Variants in LONRF3 observed in about 807,000 individuals in gnomAD.
LONRF3 encodes LON peptidase N-terminal domain and RING finger protein 3.
In LONRF3, 19 loss-of-function variants were observed where a neutral mutation model predicts 51.7. The ratio of observed to expected loss-of-function variants is 0.37; its 90% CI spans 0.26 to 0.54. The LOEUF is 0.54. Ranked by LOEUF, LONRF3 falls within the 20% of genes least tolerant of loss-of-function variation. The pLI, the probability that LONRF3 is intolerant of heterozygous loss-of-function variation, is 0.86. For synonymous variants in LONRF3, 265 were observed against 257.8 expected (o/e 1.03, Z -0.27); for missense variants, 521 against 623.9 (o/e 0.84, Z 1.76).
chrX:118,974,738 C>G lies in LONRF3; in HGVS notation c.-43C>G. On this transcript the variant is annotated 5_prime_UTR_variant, in exon 1 of 11. Coordinates refer to ENST00000371628, the MANE Select transcript of LONRF3 (RefSeq NM_001031855.3). The stretch of plus-strand genomic sequence containing the variant: ...CAGCTGCCACTCCTTGCTTCGTGTC[C>G]CCGGTCCCTAGACGCCTCGTCTCCT... The G allele has an allele frequency of 9.2e-7, 1 of 1,081,467 alleles. No individual in the cohort carries two copies. Among genetic ancestry groups the G allele is most frequent in the African/African-American group, 1.8e-5 (1 of 54,183 alleles). The allele number at this position is 1,081,467 out of a possible 1,213,427, so 89.1% of individuals were successfully genotyped here.
intron 7 of LONRF3, among the ~76,000 whole-genome samples, chrX:119,011,410 T>C (rs746565841): frequency 2.9e-4 from 32 of 111,506 alleles, no homozygotes; most frequent in Non-Finnish European, 4.9e-4. Flanking sequence ...TCCACTTCTA[T>C]CATCAGCAAC....
rs1232695480 is a variant in LONRF3 at position 118,978,277 on chromosome X, C to T, written c.818-68C>T. 4 of 653,657 alleles carry T rather than the reference C, an allele frequency of 6.1e-6. No homozygotes were observed. The African/African-American group carries it at 8.7e-5, about 14-fold the overall frequency. 53.9% of individuals were successfully genotyped at this position (653,657 alleles called of 1,213,427 possible). A position where few individuals can be genotyped will look rare whatever the true frequency, so the allele number is the denominator to read the frequency against. On this transcript the variant is annotated intron_variant, in intron 1 of 10. Coordinates refer to ENST00000371628, the MANE Select transcript of LONRF3 (RefSeq NM_001031855.3). ...TTATCATTTGCTCAAGATCCATACT[C>T]ATACAGGACTTAACACCTGCTTGCG... is the stretch of plus-strand genomic sequence containing the variant.
intron 5 of LONRF3, among the ~76,000 whole-genome samples, chrX:118,991,165 T>C (rs1443074375): frequency 2.7e-5 from 3 of 111,942 alleles, no homozygotes; most frequent in African/African-American, 9.7e-5. Context: ...ATATGTCTTT[T>C]GTTTGGCCCT....
At chrX:118,983,720 C>T (rs1322930558) in intron 3 of LONRF3, among the ~76,000 whole-genome samples, 1 of 112,100 alleles carries the variant, frequency 8.9e-6, no homozygotes, top group African/African-American at 3.2e-5. Context: ...CTCCTTGTGC[C>T]CCACCCACTA....
At position 119,015,477 on chromosome X, in the gene LONRF3, C is replaced by G. The variant is rs1304734041; in HGVS notation, c.2124+1121C>G. On this transcript the variant is annotated intron_variant, in intron 10 of 10. Coordinates refer to ENST00000371628, the MANE Select transcript of LONRF3 (RefSeq NM_001031855.3). ...GACCACAAAGGTGGCTTCTTTCCCC[C>G]CCCATGCAAAGGCATCATGAGTTTT... Among the ~76,000 whole-genome samples the G allele has an allele frequency of 1.1e-4, 12 of 111,827 alleles. No individual in the cohort carries two copies. In the South Asian group the frequency reaches 1.1e-3, roughly 10 times the overall value.
In LONRF3 at chrX:118,999,134, G is replaced by A. The variant is rs1924090095; in HGVS notation, c.1416-6987G>A. Among the ~76,000 whole-genome samples, 3 of 111,691 alleles carry A rather than the reference G, an allele frequency of 2.7e-5. No homozygotes were observed. The South Asian group carries it at 1.1e-3, about 42-fold the overall frequency. On this transcript the variant is annotated intron_variant, in intron 5 of 10. Transcript: ENST00000371628. Reference sequence around the variant, plus strand: ...GTAACACAGCCGTTACCTGAAATGTGGACCTTCTTTCTCTTAAAAAAAATT... The same window carrying A: ...GTAACACAGCCGTTACCTGAAATGTAGACCTTCTTTCTCTTAAAAAAAATT...
chrX:118,979,749 T>C (rs1922409449), intron 2 of LONRF3, among the ~76,000 whole-genome samples: 1 of 111,623 alleles, frequency 9.0e-6, no homozygotes, highest in Admixed American at 9.5e-5. Flanking sequence ...ACTCACACAA[T>C]GGTTGTGCCA....
In LONRF3 at chrX:118,991,560, C is replaced by T. The variant is rs112948719; in HGVS notation, c.1415+1000C>T. On this transcript the variant is annotated intron_variant, in intron 5 of 10. Coordinates refer to ENST00000371628, the MANE Select transcript of LONRF3 (RefSeq NM_001031855.3). The stretch of plus-strand genomic sequence containing the variant: ...GGAGAGGCAAATTATTCACATGCTC[C>T]CCCACCCCAAAAGAAAGAGGCTATG... Among the ~76,000 whole-genome samples, 791 of 111,978 alleles carry T rather than the reference C, an allele frequency of 7.1e-3. 6 individuals carry two copies. The highest frequency in any genetic ancestry group is 0.012 in the Non-Finnish European group (654 of 53,200).
intron 10 of LONRF3, 68 bp from the exon 11 acceptor site, chrX:119,017,467 T>C: frequency 9.2e-7 from 1 of 1,081,503 alleles, no homozygotes; most frequent in African/African-American, 1.8e-5. Flanking sequence ...ACCTTGAGCA[T>C]TTGGAACTCT....
Position 119,009,208 on chromosome X carries a change from G to A in LONRF3, c.1613G>A (p.Arg538Gln), listed in dbSNP as rs1339427483. 8.3e-7 allele frequency: 1 copy of A among 1,208,044 alleles called. No homozygotes were observed. Among genetic ancestry groups the A allele is most frequent in the Non-Finnish European group, 1.1e-6 (1 of 894,033 alleles). ...AKFLPEELKE[R>Q]RKLYEEEMEE... Reference sequence around the variant, plus strand: ...TTCCTTCCAGAAGAACTGAAGGAACGAAGGAAGCTTTATGAAGAGGAAATG... The same window carrying A: ...TTCCTTCCAGAAGAACTGAAGGAACAAAGGAAGCTTTATGAAGAGGAAATG... Residue 538 changes from arginine (R) to glutamine (Q), a missense_variant, in exon 7 of 11, where the codon CGA becomes CAA. Arg to Gln is a conservative substitution (Grantham distance 43). This residue lies in a region of LONRF3 where 145 missense variants were observed against 247.2 expected (regional missense o/e 0.59). Coordinates refer to ENST00000371628, the MANE Select transcript of LONRF3 (RefSeq NM_001031855.3).
chrX:118,979,225 G>A (rs1255760508), intron 2 of LONRF3, among the ~76,000 whole-genome samples: 7 of 109,093 alleles, frequency 6.4e-5, no homozygotes, highest in African/African-American at 2.0e-4. Context: ...GGATGGTCTC[G>A]ATCTCCTGAC....
intron 6 of LONRF3, among the ~76,000 whole-genome samples, 163 bp downstream of exon 6, chrX:119,006,398 C>CTTTTTTTTTTTTT (rs1042593971): frequency 1.2e-5 from 1 of 86,743 alleles, no homozygotes; most frequent in Non-Finnish European, 2.2e-5. Flanking sequence ...CTCCTGTCTT[C>CTTTTTTTTTTTTT]TTTTTTTTTT....
chrX:119,014,926 A>G (rs1485817284), intron 10 of LONRF3, among the ~76,000 whole-genome samples: 4 of 111,890 alleles, frequency 3.6e-5, no homozygotes, highest in Non-Finnish European at 7.5e-5. Context: ...CCAGGGCTGA[A>G]CAGCTCTGTT....
At chrX:119,008,402 C>G (rs1924878503) in intron 6 of LONRF3, among the ~76,000 whole-genome samples, 1 of 111,509 alleles carries the variant, frequency 9.0e-6, no homozygotes, top group Non-Finnish European at 1.9e-5. Context: ...GTTAAATACC[C>G]ACTACCTAAA....
chrX:118,995,187 C>T (rs1368395998), intron 5 of LONRF3, among the ~76,000 whole-genome samples: 1 of 112,205 alleles, frequency 8.9e-6, no homozygotes, highest in African/African-American at 3.2e-5. Context: ...GTAAAAGGAA[C>T]CTTCAAAACC....
chrX:118,992,736 C>T (rs1923519381), intron 5 of LONRF3, among the ~76,000 whole-genome samples: 1 of 111,570 alleles, frequency 9.0e-6, no homozygotes, highest in Admixed American at 9.5e-5. Context: ...GAGCATTAAA[C>T]CACCAAAGCT....
In LONRF3 at chrX:119,011,901, G is replaced by A; in HGVS notation, c.1739G>A (p.Arg580His). 10 of 1,211,543 alleles carry A rather than the reference G, an allele frequency of 8.3e-6. No individual in the cohort carries two copies. Among genetic ancestry groups the A allele is most frequent in the South Asian group, 1.8e-5 (1 of 56,960 alleles). Reference sequence around the variant, plus strand: ...CTGCACATCTTTGAGCCTTGTTACCGCCTGATGATTCGTAGATGCATTGAG... The same window carrying A: ...CTGCACATCTTTGAGCCTTGTTACCACCTGATGATTCGTAGATGCATTGAG... The part of the protein sequence containing the change: ...CPLHIFEPCY[R>H]LMIRRCIETG... Residue 580 changes from arginine to histidine, a missense_variant, in exon 8 of 11, where the codon CGC (arginine) becomes CAC (histidine). Coordinates refer to ENST00000371628, the MANE Select transcript of LONRF3 (RefSeq NM_001031855.3).
intron 3 of LONRF3, among the ~76,000 whole-genome samples, chrX:118,985,328 C>T (rs970649754): frequency 2.7e-5 from 3 of 111,527 alleles, no homozygotes; most frequent in Non-Finnish European, 3.8e-5. Context: ...TGTTGAGTCA[C>T]GCATTAGGGC....
Position 119,017,816 on chromosome X carries a change from T to C in LONRF3, c.*126T>C. The C allele has an allele frequency of 1.6e-6, 1 of 621,130 alleles. No individual in the cohort carries two copies. The highest frequency in any genetic ancestry group is 4.4e-5 in the South Asian group (1 of 22,919). The allele number at this position is 621,130 out of a possible 1,213,427, so 51.2% of individuals were successfully genotyped here. A position where few individuals can be genotyped will look rare whatever the true frequency, so the allele number is the denominator to read the frequency against. ...GTGTCAAACAGAGGCATCAGCCTGC[T>C]GTTGATCACAGAGAGAAATTGAGTA... On this transcript the variant is annotated 3_prime_UTR_variant, in exon 11 of 11. Coordinates refer to ENST00000371628, the MANE Select transcript of LONRF3 (RefSeq NM_001031855.3).
Sources: gnomAD v4.1 joint callset for allele counts (sites outside exome capture counted in the v4.1 genomes callset) on GRCh38, gnomAD v4.1.1 for gene constraint, gnomAD v4.1.1 regional missense constraint, MANE v1.5 for transcripts, NCBI Gene and HGNC (gene_info 2026-07-23, HGNC 2026-07-21) for gene names.